EPS8: variants seen among roughly 807,000 people sequenced by gnomAD.
The protein encoded by EPS8 is EGFR pathway substrate 8, signaling adaptor.
EPS8 carries 42 observed loss-of-function variants against 103.8 expected under a neutral mutation model. The observed-to-expected ratio is 0.40, with a 90% CI of 0.32 to 0.52. The LOEUF (loss-of-function observed/expected upper bound fraction) is 0.52. Among genes scored for constraint, EPS8 ranks in the 20% least tolerant of loss-of-function variants. The probability of loss-of-function intolerance (pLI) is 0.40; values close to 1 mark genes in which losing one functional copy is unlikely to be tolerated. For missense variants in EPS8, 969 were observed against 1,005.1 expected (o/e 0.96, Z 0.49); for synonymous variants, 344 against 344.6 (o/e 1.00, Z 0.02).
At chr12:15,668,771 C>T (rs948599868) in intron 6 of EPS8, among the ~76,000 whole-genome samples, 6 of 152,112 alleles carry the variant, frequency 3.9e-5, no homozygotes, top group Non-Finnish European at 8.8e-5. Flanking sequence ...AGAATAAATT[C>T]AAATTACATG....
At chr12:15,756,689 C>T (rs1946989524) in intron 1 of EPS8, among the ~76,000 whole-genome samples, 1 of 152,292 alleles carries the variant, frequency 6.6e-6, no homozygotes, top group South Asian at 2.1e-4. Flanking sequence ...TGACAGCCTT[C>T]ACTTCACAGA....
chr12:15,733,845 A>G lies in EPS8; in HGVS notation c.-21-50873T>C, dbSNP rs1487760858. 1.3e-5 allele frequency among the ~76,000 whole-genome samples: 2 copies of G among 152,186 alleles called. No individual in the cohort carries two copies. Among genetic ancestry groups the G allele is most frequent in the Non-Finnish European group, 2.9e-5 (2 of 68,032 alleles). On this transcript the variant is annotated intron_variant, in intron 1 of 20. Transcript: ENST00000281172. The surrounding 1 kb of genome is among the most constrained non-coding windows in gnomAD (Gnocchi z 4.8). Reference sequence around the variant, plus strand: ...TTGAAAATAATGTAAGCTGGTTTTTAATGGAAAATACATTTTTATTTTTAT... The same window carrying G: ...TTGAAAATAATGTAAGCTGGTTTTTGATGGAAAATACATTTTTATTTTTAT...
At chr12:15,632,159 C>A (rs1218042886) in intron 17 of EPS8, among the ~76,000 whole-genome samples, 1 of 151,936 alleles carries the variant, frequency 6.6e-6, no homozygotes, top group Non-Finnish European at 1.5e-5. Flanking sequence ...CAAGGCATAA[C>A]TTTTTCTGCC....
At chr12:15,722,457 G>T (rs952983864) in intron 1 of EPS8, among the ~76,000 whole-genome samples, 1 of 152,080 alleles carries the variant, frequency 6.6e-6, no homozygotes, top group Non-Finnish European at 1.5e-5. Context: ...AAATCTTTAT[G>T]CCTATTCCAG....
At chr12:15,786,200 C>A (rs1442784163) in intron 1 of EPS8, among the ~76,000 whole-genome samples, 1 of 151,974 alleles carries the variant, frequency 6.6e-6, no homozygotes, top group Non-Finnish European at 1.5e-5. Flanking sequence ...AGTGACAAAT[C>A]ATACTGATAG....
chr12:15,741,796 T>C (rs1422117975), intron 1 of EPS8, among the ~76,000 whole-genome samples: 3 of 152,158 alleles, frequency 2.0e-5, no homozygotes, highest in Admixed American at 2.0e-4. Context: ...ATGTGCCATG[T>C]TGGTGTGCTG....
Position 15,784,990 on chromosome 12 carries a change from T to TG in EPS8, c.-22+4170dup, listed in dbSNP as rs1188229960. 6.6e-6 allele frequency among the ~76,000 whole-genome samples: 1 copy of TG among 152,058 alleles called. No homozygotes were observed. Among genetic ancestry groups the TG allele is most frequent in the African/African-American group, 2.4e-5 (1 of 41,428 alleles). ...GGTTATGAGTGAAGCCCAGGGGATT[T>TG]GTAATGTGTTGAAATTATTCGGTAT... On this transcript the variant is annotated intron_variant, in intron 1 of 20. Transcript: ENST00000281172. The surrounding 1 kb of genome is among the most constrained non-coding windows in gnomAD (Gnocchi z 4.0).
intron 1 of EPS8, among the ~76,000 whole-genome samples, chr12:15,783,474 A>C (rs1200094982): frequency 6.6e-6 from 1 of 152,114 alleles, no homozygotes; most frequent in Non-Finnish European, 1.5e-5. Flanking sequence ...ACTTGAAAAA[A>C]GTCACTTGTA....
At chr12:15,649,505 T>G (rs1292474484) in intron 14 of EPS8, among the ~76,000 whole-genome samples, 1 of 152,086 alleles carries the variant, frequency 6.6e-6, no homozygotes, top group African/African-American at 2.4e-5. Flanking sequence ...GCCTGAACTA[T>G]GAAATACAGG....
intron 15 of EPS8, among the ~76,000 whole-genome samples, chr12:15,645,409 T>A (rs1474264729): frequency 1.2e-4 from 3 of 25,712 alleles, no homozygotes; most frequent in Non-Finnish European, 2.4e-4. Context: ...TTATAAAAAT[T>A]CTCATCTTCC....
chr12:15,725,323 G>A lies in EPS8; in HGVS notation c.-21-42351C>T, dbSNP rs942386520. Among the ~76,000 whole-genome samples the A allele has an allele frequency of 7.9e-5, 12 of 152,046 alleles. No homozygotes were observed. Among genetic ancestry groups the A allele is most frequent in the Admixed American group, 2.0e-4 (3 of 15,266 alleles). On this transcript the variant is annotated intron_variant, in intron 1 of 20. Coordinates refer to ENST00000281172, the MANE Select transcript of EPS8 (RefSeq NM_004447.6). The surrounding 1 kb of genome is among the most constrained non-coding windows in gnomAD (Gnocchi z 4.5). ...CTCAAGAGATCTCCGGAAAAGTCATGTAGCTGGTTGCAGTGGCTCACACCT... is the reference window on the plus strand; with the variant it reads ...CTCAAGAGATCTCCGGAAAAGTCATATAGCTGGTTGCAGTGGCTCACACCT...
At chr12:15,739,494 C>T (rs532221803) in intron 1 of EPS8, among the ~76,000 whole-genome samples, 1 of 152,152 alleles carries the variant, frequency 6.6e-6, no homozygotes, top group African/African-American at 2.4e-5. Flanking sequence ...GACTGGGGGA[C>T]CAGATGGAAC....
intron 3 of EPS8, among the ~76,000 whole-genome samples, chr12:15,676,099 C>T (rs1338123072): frequency 2.0e-5 from 3 of 151,548 alleles, no homozygotes; most frequent in Admixed American, 6.6e-5. Context: ...GGTGAAACCC[C>T]GTCTCTATTA....
At chr12:15,746,595 C>T (rs935255448) in intron 1 of EPS8, among the ~76,000 whole-genome samples, 8 of 152,076 alleles carry the variant, frequency 5.3e-5, no homozygotes, top group Non-Finnish European at 1.2e-4. Flanking sequence ...TCTCCCAGAA[C>T]CAACATTGGC....
At chr12:15,711,272 G>T (rs528934913) in intron 1 of EPS8, among the ~76,000 whole-genome samples, 3 of 152,006 alleles carry the variant, frequency 2.0e-5, no homozygotes, top group African/African-American at 4.8e-5. Context: ...CTACCTTGAC[G>T]ATTTAATGAC....
At chr12:15,782,900 G>A (rs895756031) in intron 1 of EPS8, among the ~76,000 whole-genome samples, 3 of 152,158 alleles carry the variant, frequency 2.0e-5, no homozygotes, top group Admixed American at 6.5e-5. Flanking sequence ...ATCTCTGCGT[G>A]AGCAGTTCAT....
At position 15,706,929 on chromosome 12, in the gene EPS8, T is replaced by C. The variant is rs1946394893; in HGVS notation, c.-21-23957A>G. On this transcript the variant is annotated intron_variant, in intron 1 of 20. Coordinates refer to ENST00000281172, the MANE Select transcript of EPS8 (RefSeq NM_004447.6). This position sits in a 1 kb window ranked among gnomAD's most constrained non-coding sequence, Gnocchi z 5.2. ...GACAAGCTTACATTTCAGTCCTTAT[T>C]AAATGTAAAACTTTAGGCTTACTTA... Among the ~76,000 whole-genome samples the C allele has an allele frequency of 6.6e-6, 1 of 152,186 alleles. No homozygotes were observed. Among genetic ancestry groups the C allele is most frequent in the Non-Finnish European group, 1.5e-5 (1 of 68,014 alleles).
At chr12:15,765,997 G>C (rs1432838611) in intron 1 of EPS8, among the ~76,000 whole-genome samples, 2 of 151,248 alleles carry the variant, frequency 1.3e-5, no homozygotes, top group African/African-American at 4.9e-5. Context: ...TGTATTTTTA[G>C]TAGAGACAGG....
intron 1 of EPS8, among the ~76,000 whole-genome samples, chr12:15,724,906 T>C (rs574661254): frequency 6.6e-6 from 1 of 152,264 alleles, no homozygotes; most frequent in Non-Finnish European, 1.5e-5. Flanking sequence ...TTATCAGCAG[T>C]GTAAAAACAG....
Sources: allele counts gnomAD v4.1 joint callset (sites outside exome capture counted in the v4.1 genomes callset), GRCh38; gene constraint gnomAD v4.1.1; non-coding constraint Gnocchi (gnomAD v3.1); transcripts MANE v1.5; gene names NCBI Gene and HGNC (gene_info 2026-07-23, HGNC 2026-07-21).